The following MPPED1 variants were observed in gnomAD, a reference collection of about 807,000 sequenced individuals.
MPPED1 encodes the protein metallophosphoesterase domain-containing protein 1.
A neutral mutation model predicts 36.2 loss-of-function variants in MPPED1; 16 were observed. The ratio of observed to expected loss-of-function variants is 0.44; its 90% CI spans 0.30 to 0.67. The LOEUF (loss-of-function observed/expected upper bound fraction) is 0.67, where lower values mean the gene tolerates loss of function less well. Among genes scored for constraint, MPPED1 ranks in the 30% least tolerant of loss-of-function variants. MPPED1 has a pLI of 0.10. For synonymous variants in MPPED1, 199 were observed against 191.3 expected (o/e 1.04, Z -0.33); for missense variants, 307 against 453.4 (o/e 0.68, Z 2.93).
chr22:43,498,038 AT>A (rs1932488512), intron 4 of MPPED1, among the ~76,000 whole-genome samples, 196 bp from the exon 5 acceptor site: 1 of 151,094 alleles, frequency 6.6e-6, no homozygotes, highest in Non-Finnish European at 1.5e-5. Flanking sequence ...AGGAAAGAGA[AT>A]TGCCTGGGGA....
chr22:43,500,295 G>A (rs1250200313), intron 5 of MPPED1, among the ~76,000 whole-genome samples: 1 of 142,926 alleles, frequency 7.0e-6, no homozygotes. Context: ...GATGGGGGTG[G>A]TGGTGGTGAT....
At chr22:43,503,443 A>ACCC (rs1432797840) in intron 6 of MPPED1, among the ~76,000 whole-genome samples, 1 of 152,100 alleles carries the variant, frequency 6.6e-6, no homozygotes, top group East Asian at 1.9e-4. Flanking sequence ...GGATGTCTGG[A>ACCC]CTGACGTGGT....
At chr22:43,423,062 C>T (rs1269949950) in intron 1 of MPPED1, among the ~76,000 whole-genome samples, 1 of 152,130 alleles carries the variant, frequency 6.6e-6, no homozygotes, top group Non-Finnish European at 1.5e-5. Flanking sequence ...GTCTCAAACT[C>T]TTGACCTCAG....
chr22:43,440,014 T>C (rs56379710), intron 3 of MPPED1, among the ~76,000 whole-genome samples: 69 of 152,356 alleles, frequency 4.5e-4, no homozygotes, highest in African/African-American at 1.6e-3. Context: ...GCGTGTCTCC[T>C]ACCTCCACTG....
intron 3 of MPPED1, among the ~76,000 whole-genome samples, chr22:43,458,168 T>C (rs6003208): frequency 0.07 from 10,636 of 152,250 alleles, 1,204 homozygotes; most frequent in African/African-American, 0.24. Context: ...AATCACCTAA[T>C]GGTGCATTTC....
chr22:43,438,439 T>G (rs899191941), intron 3 of MPPED1, among the ~76,000 whole-genome samples: 10 of 152,202 alleles, frequency 6.6e-5, no homozygotes, highest in African/African-American at 2.2e-4. Flanking sequence ...CAGGCACTGG[T>G]CCACACAGGC....
intron 1 of MPPED1, chr22:43,418,268 C>T: frequency 2.4e-6 from 1 of 408,634 alleles, no homozygotes; most frequent in Non-Finnish European, 4.9e-6. Context: ...TGTCCTGGGC[C>T]TGCGCTGAGT....
intron 3 of MPPED1, among the ~76,000 whole-genome samples, chr22:43,451,579 G>A (rs1930569578): frequency 6.6e-6 from 1 of 152,232 alleles, no homozygotes; most frequent in South Asian, 2.1e-4. Flanking sequence ...CACTGAAGGG[G>A]AAGCATCGAG....
chr22:43,437,638 A>T (rs1164797089), intron 3 of MPPED1, among the ~76,000 whole-genome samples: 5 of 152,226 alleles, frequency 3.3e-5, no homozygotes, highest in Non-Finnish European at 5.9e-5. Context: ...TGCCTGGGTG[A>T]CCACAGCAGC....
In MPPED1 at chr22:43,498,135, T is replaced by C. The variant is rs567762166; in HGVS notation, c.633-100T>C. ...TTCCCTGGGTCTCCAGGTAGCGAGC[T>C]GGTCCTGAGGGCCCCCTGGCCCGTG... On this transcript the variant is annotated intron_variant, in intron 4 of 6. Coordinates refer to ENST00000443721, the MANE Select transcript of MPPED1 (RefSeq NM_001044370.2). 338 of 858,158 alleles carry C rather than the reference T, an allele frequency of 3.9e-4. 2 individuals are homozygous for C. In the South Asian group the frequency reaches 4.0e-3, roughly 10 times the overall value. The allele number at this position is 858,158 out of a possible 1,614,324, so 53.2% of individuals were successfully genotyped here. A position where few individuals can be genotyped will look rare whatever the true frequency, so the allele number is the denominator to read the frequency against.
intron 2 of MPPED1, among the ~76,000 whole-genome samples, chr22:43,431,517 A>C (rs889630710): frequency 1.3e-5 from 2 of 152,180 alleles, no homozygotes; most frequent in African/African-American, 4.8e-5. Context: ...AGGTTGATTG[A>C]ATGAAATGAA....
At chr22:43,461,575 T>G (rs763925010) in intron 3 of MPPED1, among the ~76,000 whole-genome samples, 16 of 152,198 alleles carry the variant, frequency 1.1e-4, no homozygotes, top group Admixed American at 2.6e-4. Flanking sequence ...TATTGTTTCT[T>G]TGTTTATAGC....
chr22:43,458,452 A>C (rs1930832336), intron 3 of MPPED1, among the ~76,000 whole-genome samples: 1 of 151,786 alleles, frequency 6.6e-6, no homozygotes, highest in Admixed American at 6.6e-5. Context: ...CACCCGGCTA[A>C]TTTTTATATT....
chr22:43,415,225 C>CAAAAAAAAAAAAAAAAAA (rs34357060), intron 1 of MPPED1, among the ~76,000 whole-genome samples: 17 of 49,410 alleles, frequency 3.4e-4, no homozygotes, highest in East Asian at 2.0e-3. Flanking sequence ...ATGTCAAAAG[C>CAAAAAAAAAAAAAAAAAA]AAAAAAAAAA....
chr22:43,504,832 GTGA>G (rs1406293269), intron 6 of MPPED1, among the ~76,000 whole-genome samples: 1 of 149,942 alleles, frequency 6.7e-6, no homozygotes, highest in Non-Finnish European at 1.5e-5. Flanking sequence ...GATGATTGTA[GTGA>G]TGATAGATAG....
At chr22:43,417,056 T>C (rs574379459) in intron 1 of MPPED1, 490 of 978,598 alleles carry the variant, frequency 5.0e-4, no homozygotes, top group Non-Finnish European at 5.4e-4. Flanking sequence ...AGTACATAAT[T>C]GGAAAATGAA....
intron 1 of MPPED1, among the ~76,000 whole-genome samples, chr22:43,417,355 AC>A (rs545400034): frequency 5.7e-4 from 86 of 151,844 alleles, no homozygotes; most frequent in African/African-American, 2.0e-3. Flanking sequence ...GAGATCAAAC[AC>A]AAAGGTCTGT....
At position 43,502,744 on chromosome 22, in the gene MPPED1, C is replaced by T. The variant is rs774340184; in HGVS notation, c.849C>T (p.Gly283=). ...RRVQPRLHVF[G]HIHEGYGVMA... ...TCCAGCCGCGGTTACATGTCTTTGG[C>T]CACATCCACGAAGGTCAGTACGTAG... The change falls in exon 6 of 7, where the codon GGC becomes GGT. Residue 283 remains glycine (G), a synonymous_variant. Coordinates refer to ENST00000443721, the MANE Select transcript of MPPED1 (RefSeq NM_001044370.2). The surrounding 1 kb of genome is among the most constrained non-coding windows in gnomAD (Gnocchi z 5.5). 9.3e-6 allele frequency: 15 copies of T among 1,613,222 alleles called. No homozygotes were observed. The highest frequency in any genetic ancestry group is 1.2e-5 in the Non-Finnish European group (14 of 1,179,792).
intron 5 of MPPED1, among the ~76,000 whole-genome samples, chr22:43,500,304 ATGGTGATGGAGGTGGTGATGGTGGTGG>A (rs1932668101): frequency 4.0e-4 from 5 of 12,352 alleles, no homozygotes; most frequent in South Asian, 5.4e-3. Context: ...GGTGGTGGTG[ATGGTGATGGAGGTGGTGATGGTGGTGG>A]TGGAGGTGGT....
Sources: allele counts gnomAD v4.1 joint callset (sites outside exome capture counted in the v4.1 genomes callset), GRCh38; gene constraint gnomAD v4.1.1; non-coding constraint Gnocchi (gnomAD v3.1); transcripts MANE v1.5; gene names NCBI Gene and HGNC (gene_info 2026-07-23, HGNC 2026-07-21).